The following FGF14 variants were observed in gnomAD, a reference collection of about 807,000 sequenced individuals.
FGF14 encodes the protein fibroblast growth factor homologous factor 4.
FGF14 carries 5 observed loss-of-function variants against 25.5 expected under a neutral mutation model. The ratio of observed to expected loss-of-function variants is 0.20; its 90% confidence interval spans 0.10 to 0.41. The LOEUF is 0.41. FGF14 is among the 10% of genes least tolerant of loss of function. The pLI is 1.00. For synonymous variants in FGF14, 138 were observed against 118.3 expected, an observed-to-expected ratio of 1.17 and a Z score of -1.08; for missense variants, 222 against 320.1, an observed-to-expected ratio of 0.69 and a Z score of 2.34.
At chr13:101,950,999 C>A in intron 1 of FGF14, among the ~76,000 whole-genome samples, 1 of 152,058 alleles carries the variant, frequency 6.6e-6, no homozygotes, top group Non-Finnish European at 1.5e-5. Context: ...TTAGAAATCT[C>A]TGTTGGGTTT....
chr13:101,782,701 C>T (rs1325757198), intron 3 of FGF14, among the ~76,000 whole-genome samples: 1 of 152,178 alleles, frequency 6.6e-6, no homozygotes, highest in Non-Finnish European at 1.5e-5. Context: ...CATCCATGTT[C>T]CTGCAAAGGA....
chr13:101,816,127 G>A (rs990914831), intron 3 of FGF14, among the ~76,000 whole-genome samples: 2 of 151,280 alleles, frequency 1.3e-5, no homozygotes, highest in Non-Finnish European at 2.9e-5. Context: ...AAAATTAGCC[G>A]GGCGTGTTGG....
intron 1 of FGF14, among the ~76,000 whole-genome samples, chr13:102,189,004 GAAAGAGAAAGAATGAAAGAAGAAA>G (rs2048999648): frequency 2.8e-5 from 2 of 71,728 alleles, no homozygotes; most frequent in South Asian, 4.2e-4. Context: ...AAGAAAGAAA[GAAAGAGAAAGAATGAAAGAAGAAA>G]AGAAAGAAAG....
chr13:102,189,808 G>A (rs1186824229), intron 1 of FGF14, among the ~76,000 whole-genome samples: 1 of 152,118 alleles, frequency 6.6e-6, no homozygotes, highest in East Asian at 1.9e-4. Flanking sequence ...AATCATGGTT[G>A]AAGGCATAGG....
At chr13:101,771,870 GT>G (rs1381134689) in intron 3 of FGF14, among the ~76,000 whole-genome samples, 3 of 151,850 alleles carry the variant, frequency 2.0e-5, no homozygotes, top group Admixed American at 6.6e-5. Context: ...AAATTTGAGA[GT>G]TTAGACAAAC....
chr13:101,951,782 T>G (rs919333010), intron 1 of FGF14, among the ~76,000 whole-genome samples: 3 of 152,196 alleles, frequency 2.0e-5, no homozygotes, highest in African/African-American at 7.2e-5. Flanking sequence ...CAGCATACAG[T>G]GCAGCAGCAT....
At chr13:101,999,550 G>A (rs74352751) in intron 1 of FGF14, among the ~76,000 whole-genome samples, 3,829 of 152,146 alleles carry the variant, frequency 0.025, 54 homozygotes, top group Middle Eastern at 0.058. Context: ...TGGCTGCTTC[G>A]GAAATGGGAC....
chr13:101,943,830 T>TATATATATATATATATATACACACAC (rs2035622255), intron 1 of FGF14, among the ~76,000 whole-genome samples: 1 of 140,408 alleles, frequency 7.1e-6, no homozygotes, highest in African/African-American at 2.8e-5. Context: ...AAAAAAAATA[T>TATATATATATATATATATACACACAC]ATATATATAT....
At chr13:102,174,456 G>C (rs1242809290) in intron 1 of FGF14, among the ~76,000 whole-genome samples, 1 of 151,674 alleles carries the variant, frequency 6.6e-6, no homozygotes, top group South Asian at 2.1e-4. Context: ...ATGAGCCACC[G>C]TGCCCAGCCA....
In FGF14 at chr13:102,039,480, G is replaced by A. The variant is rs141287067; in HGVS notation, c.209-164184C>T. Among the ~76,000 whole-genome samples the A allele has an allele frequency of 2.7e-3, 414 of 152,220 alleles. 2 individuals carry two copies. Among genetic ancestry groups the A allele is most frequent in the Admixed American group, 6.8e-3 (104 of 15,280 alleles). On this transcript the variant is annotated intron_variant, in intron 1 of 4. Coordinates refer to the FGF14 transcript ENST00000376131. The stretch of plus-strand genomic sequence containing the variant: ...GCAGGTTGGTCCTACAGCCTCTGAG[G>A]GAGAATCCATCCCATGGCCCTCTCC...
At chr13:101,938,438 TA>T (rs780380206) in intron 1 of FGF14, among the ~76,000 whole-genome samples, 3 of 152,220 alleles carry the variant, frequency 2.0e-5, no homozygotes, top group Non-Finnish European at 4.4e-5. Flanking sequence ...CCTCAGCTTT[TA>T]TCTTGAGTTA....
In FGF14 at chr13:102,365,422, C is replaced by T. The variant is rs1356613131; in HGVS notation, c.208+36049G>A. Among the ~76,000 whole-genome samples, 9 of 152,230 alleles carry T rather than the reference C, an allele frequency of 5.9e-5. No homozygotes were observed. In the East Asian group the frequency reaches 1.5e-3, roughly 26 times the overall value. On this transcript the variant is annotated intron_variant, in intron 1 of 4. Coordinates refer to the FGF14 transcript ENST00000376131. ...AAAAATCAATTAGAATTCTTTGAGC[C>T]GGTTTCTTCATTTACAAAACGGCGA...
rs78900491 is a variant in FGF14 at position 101,714,912 on chromosome 13, A to G, written c.*7919T>C. On this transcript the variant is annotated 3_prime_UTR_variant, in exon 5 of 5. Coordinates refer to ENST00000376143, the MANE Select transcript of FGF14 (RefSeq NM_004115.4). ...TAGGGAATGAAATATTCTTTTAAAC[A>G]GAATCTGGGTACCACTAGTTGATGT... 0.013 allele frequency: 2,819 copies of G among 219,238 alleles called. 93 individuals are homozygous for G. The highest frequency in any genetic ancestry group is 0.061 in the African/African-American group (2,645 of 43,346). 13.6% of individuals were successfully genotyped at this position (219,238 alleles called of 1,614,324 possible).
At chr13:101,891,417 C>A (rs1277681187) in intron 1 of FGF14, among the ~76,000 whole-genome samples, 1 of 152,120 alleles carries the variant, frequency 6.6e-6, no homozygotes, top group African/African-American at 2.4e-5. Context: ...CAACCTAATG[C>A]CTAGTAGTAA....
intron 1 of FGF14, among the ~76,000 whole-genome samples, chr13:102,035,167 T>C (rs1159783065): frequency 6.6e-6 from 1 of 152,136 alleles, no homozygotes; most frequent in Non-Finnish European, 1.5e-5. Context: ...TGTCTCAGTA[T>C]AGGAGCCTGT....
chr13:101,882,784 A>C (rs1439659755), intron 1 of FGF14, among the ~76,000 whole-genome samples: 1 of 152,166 alleles, frequency 6.6e-6, no homozygotes, highest in African/African-American at 2.4e-5. Flanking sequence ...CCTAATGGGT[A>C]GATAGTTGGA....
chr13:102,108,052 G>T (rs1329500493), intron 1 of FGF14, among the ~76,000 whole-genome samples: 2 of 151,928 alleles, frequency 1.3e-5, no homozygotes, highest in Non-Finnish European at 2.9e-5. Context: ...ACTAAATAAT[G>T]GCATTAAATT....
chr13:102,321,637 AAATCTGCTTAC>A (rs2056248403), intron 1 of FGF14, among the ~76,000 whole-genome samples: 1 of 152,156 alleles, frequency 6.6e-6, no homozygotes, highest in Non-Finnish European at 1.5e-5. Flanking sequence ...CCTACTGCCA[AAATCTGCTTAC>A]ATTTCACTAA....
intron 1 of FGF14, among the ~76,000 whole-genome samples, chr13:102,005,392 C>T (rs1264000260): frequency 1.3e-5 from 2 of 152,168 alleles, no homozygotes; most frequent in Non-Finnish European, 1.5e-5. Context: ...CAGCACCATA[C>T]AAAACATTTA....
Sources: allele counts gnomAD v4.1 joint callset (sites outside exome capture counted in the v4.1 genomes callset), GRCh38; gene constraint gnomAD v4.1.1; transcripts MANE v1.5; gene names NCBI Gene and HGNC (gene_info 2026-07-23, HGNC 2026-07-21).